EFL1: variants seen among roughly 807,000 people sequenced by gnomAD.
The protein encoded by EFL1 is elongation factor-like GTPase 1.
EFL1 carries 76 observed loss-of-function variants against 126.7 expected under a neutral mutation model. The observed-to-expected ratio is 0.60, with a 90% CI of 0.50 to 0.73. EFL1 has a LOEUF of 0.73. Among genes scored for constraint, EFL1 ranks in the 30% least tolerant of loss-of-function variants. The pLI, the probability that EFL1 is intolerant of heterozygous loss-of-function variation, is 0.00. For missense variants in EFL1, 1,128 were observed against 1,343.2 expected, an observed-to-expected ratio of 0.84 and a Z score of 2.50; for synonymous variants, 410 against 448.4, an observed-to-expected ratio of 0.91 and a Z score of 1.08.
At chr15:82,159,366 G>C (rs190216779) in intron 16 of EFL1, among the ~76,000 whole-genome samples, 26 of 151,770 alleles carry the variant, frequency 1.7e-4, no homozygotes, top group African/African-American at 6.0e-4. Context: ...AAAAACAATG[G>C]TTATCACCAA....
At chr15:82,228,123 C>A in intron 10 of EFL1, 68 bp downstream of exon 10, 1 of 1,523,228 alleles carries the variant, frequency 6.6e-7, no homozygotes, top group Non-Finnish European at 8.8e-7. Flanking sequence ...TTCTTGGTTA[C>A]CATAACGCAT....
At chr15:82,139,636 T>G (rs1454701217) in intron 18 of EFL1, among the ~76,000 whole-genome samples, 1 of 152,252 alleles carries the variant, frequency 6.6e-6, no homozygotes, top group African/African-American at 2.4e-5. Context: ...AGAATAGAGA[T>G]ACATTGAAAA....
chr15:82,134,278 G>A (rs1171497542), intron 19 of EFL1, among the ~76,000 whole-genome samples: 2 of 152,164 alleles, frequency 1.3e-5, no homozygotes, highest in African/African-American at 4.8e-5. Flanking sequence ...GCAAAGACAA[G>A]GCTACCCTTT....
At chr15:82,145,377 A>C (rs1466077170) in intron 18 of EFL1, among the ~76,000 whole-genome samples, 1 of 151,998 alleles carries the variant, frequency 6.6e-6, no homozygotes, top group Non-Finnish European at 1.5e-5. Context: ...CATGTGTTCC[A>C]ACAATATTGG....
At chr15:82,154,915 C>T (rs1362085999) in intron 17 of EFL1, among the ~76,000 whole-genome samples, 2 of 152,144 alleles carry the variant, frequency 1.3e-5, no homozygotes, top group Non-Finnish European at 2.9e-5. Flanking sequence ...GCATGCACCA[C>T]CTGCCCGATT....
chr15:82,161,161 C>T (rs559415421), intron 16 of EFL1, among the ~76,000 whole-genome samples: 1 of 147,622 alleles, frequency 6.8e-6, no homozygotes, highest in South Asian at 2.1e-4. Flanking sequence ...CTGTTGTCTT[C>T]TGGATTAATC....
intron 13 of EFL1, 86 bp from the exon 14 acceptor site, chr15:82,219,904 A>T: frequency 6.6e-7 from 1 of 1,506,904 alleles, no homozygotes; most frequent in Non-Finnish European, 8.9e-7. Flanking sequence ...AGTGAATATG[A>T]TATCTTTCGT....
In EFL1 at chr15:82,212,768, G is replaced by C. The variant is rs138567479; in HGVS notation, c.1750+1949C>G. Among the ~76,000 whole-genome samples the C allele has an allele frequency of 7.8e-3, 1,195 of 152,314 alleles. 13 individuals carry two copies. The highest frequency in any genetic ancestry group is 0.027 in the African/African-American group (1,122 of 41,562). ...TCTTTTGCCTTAACTACAGAGGCTGGAAGAGTAAAACACTCAATCCCAGGG... is the reference window on the plus strand; with the variant it reads ...TCTTTTGCCTTAACTACAGAGGCTGCAAGAGTAAAACACTCAATCCCAGGG... On this transcript the variant is annotated intron_variant, in intron 15 of 19. Transcript: ENST00000268206.
At chr15:82,217,373 G>GAAAAAAAAAAAA in intron 14 of EFL1, among the ~76,000 whole-genome samples, 25 of 27,140 alleles carry the variant, frequency 9.2e-4, no homozygotes, top group Non-Finnish European at 1.2e-3. Context: ...GATTAGATTT[G>GAAAAAAAAAAAA]AAAAAAAAAA....
At chr15:82,261,937 A>G (rs964072244) in intron 1 of EFL1, 140 bp from the exon 2 acceptor site, 4 of 603,170 alleles carry the variant, frequency 6.6e-6, no homozygotes, top group African/African-American at 3.7e-5. Context: ...TTGATGAGAT[A>G]GACCACCAAG....
chr15:82,185,453 T>A (rs189868766), intron 15 of EFL1, among the ~76,000 whole-genome samples: 8 of 152,134 alleles, frequency 5.3e-5, no homozygotes, highest in Non-Finnish European at 7.4e-5. Flanking sequence ...GTAAATACTT[T>A]AAAGACATTC....
At chr15:82,252,864 C>T (rs2075035339) in intron 3 of EFL1, 89 bp from the exon 4 acceptor site, 7 of 873,272 alleles carry the variant, frequency 8.0e-6, no homozygotes, top group Admixed American at 2.3e-5. Flanking sequence ...GTTTTAAATA[C>T]TTATATTTAA....
rs546561129 is a variant in EFL1, at chr15:82,262,727, G to A, written c.-133C>T. 8.8e-6 allele frequency: 8 copies of A among 912,428 alleles called. No individual in the cohort carries two copies. Among genetic ancestry groups the A allele is most frequent in the Admixed American group, 3.3e-5 (1 of 30,310 alleles). 56.5% of individuals were successfully genotyped at this position (912,428 alleles called of 1,614,324 possible). A position where few individuals can be genotyped will look rare whatever the true frequency, so the allele number is the denominator to read the frequency against. ...GACACGCCCGCGCGCCAGGGGGCGG[G>A]GCCGGCTGTCGCTCGACCTTTCACC... On this transcript the variant is annotated 5_prime_UTR_variant, in exon 1 of 20. Coordinates refer to ENST00000268206, the MANE Select transcript of EFL1 (RefSeq NM_024580.6).
chr15:82,182,606 G>T (rs983116533), intron 15 of EFL1, among the ~76,000 whole-genome samples: 1 of 152,034 alleles, frequency 6.6e-6, no homozygotes, highest in Non-Finnish European at 1.5e-5. Context: ...GGTGGATCAC[G>T]AGATCAGGAG....
At chr15:82,153,563 A>C (rs896092084) in intron 17 of EFL1, among the ~76,000 whole-genome samples, 2 of 152,228 alleles carry the variant, frequency 1.3e-5, no homozygotes, top group African/African-American at 4.8e-5. Flanking sequence ...AGAAAACCAG[A>C]TAAGAAAGAT....
At chr15:82,255,664 T>G (rs1596013292) in intron 3 of EFL1, among the ~76,000 whole-genome samples, 1 of 152,330 alleles carries the variant, frequency 6.6e-6, no homozygotes, top group East Asian at 1.9e-4. Flanking sequence ...GTGCAATTTG[T>G]GTGTGGTGTT....
intron 7 of EFL1, among the ~76,000 whole-genome samples, chr15:82,234,606 G>C (rs1407242542): frequency 6.6e-6 from 1 of 152,062 alleles, no homozygotes; most frequent in East Asian, 1.9e-4. Flanking sequence ...GGAAATTGGA[G>C]AACAAGTTCC....
At chr15:82,227,425 T>A (rs2074775605) in intron 11 of EFL1, 25 bp downstream of exon 11, 6 of 1,613,874 alleles carry the variant, frequency 3.7e-6, no homozygotes, top group Non-Finnish European at 3.4e-6. Context: ...ACATGGTATA[T>A]TCCAACAGGT....
chr15:82,176,111 G>A, intron 15 of EFL1, among the ~76,000 whole-genome samples: 1 of 152,074 alleles, frequency 6.6e-6, no homozygotes. Context: ...TGTGATAATG[G>A]TTCTAAGTCA....
Sources: allele counts gnomAD v4.1 joint callset (sites outside exome capture counted in the v4.1 genomes callset), GRCh38; gene constraint gnomAD v4.1.1; transcripts MANE v1.5; gene names NCBI Gene and HGNC (gene_info 2026-07-23, HGNC 2026-07-21).